The following SULT4A1 variants were observed in gnomAD, a reference collection of about 807,000 sequenced individuals.
SULT4A1 encodes sulfotransferase family 4A member 1.
A neutral mutation model predicts 35.2 loss-of-function variants in SULT4A1; 11 were observed. The ratio of observed to expected loss-of-function variants is 0.31; its 90% CI spans 0.20 to 0.52. The LOEUF (loss-of-function observed/expected upper bound fraction) is 0.52, where lower values mean the gene tolerates loss of function less well. Ranked by LOEUF, SULT4A1 falls within the 20% of genes least tolerant of loss-of-function variation. The pLI, the probability that SULT4A1 is intolerant of heterozygous loss-of-function variation, is 0.97. For missense variants in SULT4A1, 271 were observed against 383.7 expected, an observed-to-expected ratio of 0.71 and a Z score of 2.45; for synonymous variants, 152 against 151.8, an observed-to-expected ratio of 1.00 and a Z score of -0.01.
intron 4 of SULT4A1, 152 bp from the exon 5 acceptor site, chr22:43,833,886 G>A (rs113627015): frequency 8.9e-6 from 6 of 672,590 alleles, no homozygotes; most frequent in South Asian, 5.7e-5. Flanking sequence ...AAAGGCCCCC[G>A]AGGCACTCAC....
At chr22:43,834,369 GGCCCTGAGCTTCCCGCGCCCCCACCGCT>G (rs2063350174) in intron 4 of SULT4A1, among the ~76,000 whole-genome samples, 1 of 59,802 alleles carries the variant, frequency 1.7e-5, no homozygotes, top group Non-Finnish European at 3.6e-5. Context: ...CCCCCACCGC[GGCCCTGAGCTTCCCGCGCCCCCACCGCT>G]GCCCTGAGCT....
At chr22:43,851,562 G>C (rs1211836995) in intron 1 of SULT4A1, among the ~76,000 whole-genome samples, 1 of 152,084 alleles carries the variant, frequency 6.6e-6, no homozygotes, top group Non-Finnish European at 1.5e-5. Context: ...TTCGGTGGGA[G>C]GTACAGGGCT....
chr22:43,850,029 C>T (rs1010172796), intron 1 of SULT4A1, among the ~76,000 whole-genome samples: 1 of 152,224 alleles, frequency 6.6e-6, no homozygotes. Flanking sequence ...AGTGCCAGAG[C>T]AGCCAGCTGA....
At chr22:43,838,313 G>A (rs1043099800) in intron 4 of SULT4A1, among the ~76,000 whole-genome samples, 1 of 152,230 alleles carries the variant, frequency 6.6e-6, no homozygotes, top group Admixed American at 6.5e-5. Flanking sequence ...TGGCACTCTC[G>A]GCCCGGCTGT....
At chr22:43,849,858 A>T (rs917479478) in intron 1 of SULT4A1, among the ~76,000 whole-genome samples, 1 of 152,180 alleles carries the variant, frequency 6.6e-6, no homozygotes, top group Non-Finnish European at 1.5e-5. Flanking sequence ...GTAACACTTA[A>T]GCCCCGACAG....
intron 1 of SULT4A1, among the ~76,000 whole-genome samples, chr22:43,858,546 C>T (rs2049429538): frequency 6.6e-6 from 1 of 152,206 alleles, no homozygotes; most frequent in South Asian, 2.1e-4. Flanking sequence ...CAAAACCACA[C>T]GTTCCATTCT....
chr22:43,826,362 C>T lies in SULT4A1; in HGVS notation c.743-249G>A, dbSNP rs901438750. 4 of 985,280 alleles carry T rather than the reference C, an allele frequency of 4.1e-6. No homozygotes were observed. The African/African-American group carries it at 7.0e-5, about 17-fold the overall frequency. The allele number at this position is 985,280 out of a possible 1,614,324, so 61.0% of individuals were successfully genotyped here. A position where few individuals can be genotyped will look rare whatever the true frequency, so the allele number is the denominator to read the frequency against. On this transcript the variant is annotated intron_variant, in intron 6 of 6. Coordinates refer to ENST00000330884, the MANE Select transcript of SULT4A1 (RefSeq NM_014351.4). ...TCTGAGGCTGTGGCACAGTGAGCCACAACCACCTCCTGGTGCCATTCCACA... is the reference window on the plus strand; with the variant it reads ...TCTGAGGCTGTGGCACAGTGAGCCATAACCACCTCCTGGTGCCATTCCACA...
At chr22:43,850,246 G>A (rs1284211216) in intron 1 of SULT4A1, among the ~76,000 whole-genome samples, 4 of 152,160 alleles carry the variant, frequency 2.6e-5, no homozygotes, top group African/African-American at 9.7e-5. Context: ...ATTATTTTAT[G>A]ATCTGCACAT....
rs2063278142 is a variant in SULT4A1 at position 43,825,163 on chromosome 22, C to CA, written c.*837dup. 1 of 152,232 alleles carries CA rather than the reference C, an allele frequency of 6.6e-6. No homozygotes were observed. Among genetic ancestry groups the CA allele is most frequent in the Non-Finnish European group, 1.5e-5 (1 of 68,054 alleles). The allele number at this position is 152,232 out of a possible 1,614,324, so 9.4% of individuals were successfully genotyped here. A position where few individuals can be genotyped will look rare whatever the true frequency, so the allele number is the denominator to read the frequency against. On this transcript the variant is annotated 3_prime_UTR_variant, in exon 7 of 7. Transcript: ENST00000330884. ...ATTAGTAGGCTATCACTTCAGGAAA[C>CA]AAAGTAAGGCTGTGGAATTCAGCTC...
At chr22:43,842,020 G>A in intron 1 of SULT4A1, 88 bp from the exon 2 acceptor site, 1 of 1,510,762 alleles carries the variant, frequency 6.6e-7, no homozygotes, top group Non-Finnish European at 8.9e-7. Flanking sequence ...TGCCCAAGAA[G>A]GGGCTCAAGA....
intron 1 of SULT4A1, among the ~76,000 whole-genome samples, chr22:43,851,199 T>C (rs1220009324): frequency 6.6e-6 from 1 of 152,282 alleles, no homozygotes; most frequent in East Asian, 1.9e-4. Flanking sequence ...ACACTTTTCA[T>C]CTCCAGGAGT....
chr22:43,860,933 C>T (rs1446119014), intron 1 of SULT4A1, among the ~76,000 whole-genome samples: 3 of 152,034 alleles, frequency 2.0e-5, no homozygotes, highest in Admixed American at 6.6e-5. Flanking sequence ...TGTGTGACTC[C>T]GAACAATTTG....
intron 1 of SULT4A1, among the ~76,000 whole-genome samples, chr22:43,852,318 C>G (rs999208591): frequency 6.6e-6 from 1 of 151,574 alleles, no homozygotes; most frequent in Non-Finnish European, 1.5e-5. Flanking sequence ...CAGGCACACA[C>G]CACCACACCT....
chr22:43,833,867 A>G, intron 4 of SULT4A1, 133 bp from the exon 5 acceptor site: 3 of 735,980 alleles, frequency 4.1e-6, no homozygotes, highest in Non-Finnish European at 6.7e-6. Context: ...CCCTGCGGAC[A>G]AGTCTGGCAA....
intron 1 of SULT4A1, among the ~76,000 whole-genome samples, chr22:43,855,105 T>C (rs2148305759): frequency 6.6e-6 from 1 of 152,290 alleles, no homozygotes; most frequent in Middle Eastern, 3.4e-3. Context: ...GCAGCGACGA[T>C]GGTGCGGACA....
At position 43,862,424 on chromosome 22, in the gene SULT4A1, A is replaced by AGCCCGCACGC. The variant is rs1232618721; in HGVS notation, c.-52_-43dup. 317 of 989,762 alleles carry AGCCCGCACGC rather than the reference A, an allele frequency of 3.2e-4. No individual in the cohort carries two copies. The African/African-American group carries it at 5.8e-3, about 18-fold the overall frequency. The allele number at this position is 989,762 out of a possible 1,614,324, so 61.3% of individuals were successfully genotyped here. A position where few individuals can be genotyped will look rare whatever the true frequency, so the allele number is the denominator to read the frequency against. The stretch of plus-strand genomic sequence containing the variant: ...TCGCCGCCGCCGCCTCCCGGCTCGC[A>AGCCCGCACGC]GCCCGCACGCGCCCGCGCCCGCGCC... On this transcript the variant is annotated 5_prime_UTR_variant, in exon 1 of 7. Transcript: ENST00000330884.
At position 43,839,981 on chromosome 22, in the gene SULT4A1, G is replaced by T. The variant is rs1603406456; in HGVS notation, c.345C>A (p.Arg115=). 1 of 1,610,988 alleles carries T rather than the reference G, an allele frequency of 6.2e-7. No homozygotes were observed. ...PRLIKSHLPY[R]FLPSDLHNGD... is the part of the protein sequence containing the mutation. ...CATTGTGGAGGTCAGAGGGCAGAAA[G>T]CGGTAGGGCAGGTGGCTCTTGATGA... Residue 115 remains arginine, a synonymous_variant, in exon 3 of 7, where the codon CGC becomes CGA. Coordinates refer to ENST00000330884, the MANE Select transcript of SULT4A1 (RefSeq NM_014351.4).
chr22:43,838,780 G>C, intron 4 of SULT4A1, 87 bp downstream of exon 4: 1 of 1,563,100 alleles, frequency 6.4e-7, no homozygotes, highest in East Asian at 2.3e-5. Flanking sequence ...ACTGGAGACC[G>C]TGTCGGGGAA....
At chr22:43,859,691 C>A (rs1305462363) in intron 1 of SULT4A1, among the ~76,000 whole-genome samples, 3 of 152,252 alleles carry the variant, frequency 2.0e-5, no homozygotes, top group African/African-American at 7.2e-5. Context: ...CAATGGGCTC[C>A]TACTGTCTGG....
Sources: allele counts gnomAD v4.1 joint callset (sites outside exome capture counted in the v4.1 genomes callset), GRCh38; gene constraint gnomAD v4.1.1; transcripts MANE v1.5; gene names NCBI Gene and HGNC (gene_info 2026-07-23, HGNC 2026-07-21).